Variants in NRG3 observed in about 807,000 individuals in gnomAD.
NRG3 encodes the protein pro-neuregulin-3, membrane-bound isoform.
In NRG3, 31 loss-of-function variants were observed where a neutral mutation model predicts 66.9. That is an observed-to-expected ratio of 0.46 (90% CI 0.35 to 0.63). The LOEUF (loss-of-function observed/expected upper bound fraction) is 0.63. NRG3 is among the 20% of genes least tolerant of loss of function. The pLI, the probability that NRG3 is intolerant of heterozygous loss-of-function variation, is 0.00. For synonymous variants in NRG3, 393 were observed against 359.4 expected (o/e 1.09, Z -1.06); for missense variants, 910 against 878.9 (o/e 1.04, Z -0.45).
chr10:82,864,832 AGATTTT>A (rs1840549243), intron 3 of NRG3, among the ~76,000 whole-genome samples: 1 of 152,198 alleles, frequency 6.6e-6, no homozygotes, highest in Admixed American at 6.5e-5. Flanking sequence ...GAAGTGTCTC[AGATTTT>A]GTAACCTATG....
chr10:82,840,076 T>C (rs1352715561), intron 3 of NRG3, among the ~76,000 whole-genome samples: 1 of 152,160 alleles, frequency 6.6e-6, no homozygotes, highest in African/African-American at 2.4e-5. Flanking sequence ...AATCCCACAA[T>C]TTTCAACCTA....
At chr10:82,332,538 C>T (rs2082186711) in intron 1 of NRG3, among the ~76,000 whole-genome samples, 1 of 152,152 alleles carries the variant, frequency 6.6e-6, no homozygotes, top group Non-Finnish European at 1.5e-5. Flanking sequence ...GCTGACCCAA[C>T]CTGTGCTTGC....
intron 1 of NRG3, among the ~76,000 whole-genome samples, chr10:82,171,666 A>G (rs1179703428): frequency 1.3e-5 from 2 of 152,218 alleles, no homozygotes; most frequent in Middle Eastern, 3.4e-3. Flanking sequence ...TCAAGAATTC[A>G]TGGTTCCAGG....
At chr10:82,681,614 G>C (rs1299100537) in intron 2 of NRG3, among the ~76,000 whole-genome samples, 1 of 152,136 alleles carries the variant, frequency 6.6e-6, no homozygotes, top group Non-Finnish European at 1.5e-5. Flanking sequence ...TCAATACATT[G>C]ACAAATGTCA....
At chr10:82,880,888 A>G (rs1564597830) in intron 4 of NRG3, among the ~76,000 whole-genome samples, 1 of 152,206 alleles carries the variant, frequency 6.6e-6, no homozygotes, top group South Asian at 2.1e-4. Context: ...CTGTAGGGCC[A>G]TGAGCACAGT....
rs994104085 is a variant in NRG3, at chr10:82,339,336, C to T, written c.824-19403C>T. 8.5e-5 allele frequency among the ~76,000 whole-genome samples: 13 copies of T among 152,120 alleles called. No homozygotes were observed. In the South Asian group the frequency reaches 2.3e-3, roughly 27 times the overall value. On this transcript the variant is annotated intron_variant, in intron 1 of 8. Coordinates refer to ENST00000372141, the MANE Select transcript of NRG3 (RefSeq NM_001010848.4). ...TTAAGAAGAAAAGAGGTTTAATTGACTCATAGTTCCACATAGCTGGGGAGT... is the reference window on the plus strand; with the variant it reads ...TTAAGAAGAAAAGAGGTTTAATTGATTCATAGTTCCACATAGCTGGGGAGT...
chr10:82,712,865 A>G (rs1278856793), intron 2 of NRG3, among the ~76,000 whole-genome samples: 1 of 152,046 alleles, frequency 6.6e-6, no homozygotes, highest in Admixed American at 6.6e-5. Flanking sequence ...TAAAAGAGTA[A>G]TCCCAGCATT....
intron 2 of NRG3, among the ~76,000 whole-genome samples, chr10:82,737,031 T>TC (rs1565259108): frequency 1.3e-5 from 2 of 151,870 alleles, no homozygotes; most frequent in African/African-American, 2.4e-5. Context: ...AGAATTTATT[T>TC]TTTTATGACA....
At chr10:82,151,406 T>G (rs2070738528) in intron 1 of NRG3, among the ~76,000 whole-genome samples, 1 of 152,176 alleles carries the variant, frequency 6.6e-6, no homozygotes, top group Non-Finnish European at 1.5e-5. Context: ...TGTACAGAAA[T>G]TTTCCTAGCA....
At position 82,683,059 on chromosome 10, in the gene NRG3, C is replaced by T. The variant is rs540581134; in HGVS notation, c.954-55518C>T. On this transcript the variant is annotated intron_variant, in intron 2 of 8. Transcript: ENST00000372141. ...CTGCAATCTCTGCCTTCCGGGTTCA[C>T]GCCATTCTCCTGCCTTAGCCTCCTG... Among the ~76,000 whole-genome samples, 53 of 150,712 alleles carry T rather than the reference C, an allele frequency of 3.5e-4. 1 individual carries two copies. Among genetic ancestry groups the T allele is most frequent in the African/African-American group, 1.0e-3 (43 of 41,026 alleles).
chr10:81,919,651 C>A (rs190511340), intron 1 of NRG3, among the ~76,000 whole-genome samples: 20 of 152,180 alleles, frequency 1.3e-4, no homozygotes, highest in Non-Finnish European at 7.4e-5. Context: ...ATGGACATGG[C>A]AAATGACAGG....
At chr10:82,048,189 A>G (rs2133095502) in intron 1 of NRG3, among the ~76,000 whole-genome samples, 1 of 152,218 alleles carries the variant, frequency 6.6e-6, no homozygotes, top group East Asian at 1.9e-4. Flanking sequence ...AGACAGATCA[A>G]CGAGACAGAA....
At chr10:82,958,814 A>G in intron 5 of NRG3, 135 bp from the exon 6 acceptor site, 1 of 999,088 alleles carries the variant, frequency 1.0e-6, no homozygotes, top group Non-Finnish European at 1.4e-6. Flanking sequence ...AAATGAGAGA[A>G]GGGTTCTCTT....
At chr10:82,625,152 C>T (rs201134650) in intron 2 of NRG3, among the ~76,000 whole-genome samples, 3 of 151,634 alleles carry the variant, frequency 2.0e-5, no homozygotes, top group Non-Finnish European at 4.4e-5. Context: ...TTTAAAATGC[C>T]AAAATAGCCA....
intron 2 of NRG3, among the ~76,000 whole-genome samples, chr10:82,383,566 T>C (rs2085772052): frequency 6.6e-6 from 1 of 152,052 alleles, no homozygotes; most frequent in Admixed American, 6.6e-5. Flanking sequence ...GTGTGTATAA[T>C]TGCTTAGTTG....
chr10:82,034,661 A>C (rs1312674034), intron 1 of NRG3, among the ~76,000 whole-genome samples: 1 of 151,782 alleles, frequency 6.6e-6, no homozygotes, highest in African/African-American at 2.4e-5. Context: ...CCTGGAGTAC[A>C]CCTTGTTTTA....
chr10:82,352,096 G>C (rs2083470090), intron 1 of NRG3, among the ~76,000 whole-genome samples: 1 of 152,160 alleles, frequency 6.6e-6, no homozygotes, highest in Non-Finnish European at 1.5e-5. Flanking sequence ...CCATAATTTA[G>C]GGTTAGTGTG....
At chr10:82,916,183 G>A (rs1564627793) in intron 4 of NRG3, among the ~76,000 whole-genome samples, 1 of 152,212 alleles carries the variant, frequency 6.6e-6, no homozygotes, top group Non-Finnish European at 1.5e-5. Context: ...TGAGCACACT[G>A]GTTTACACCT....
chr10:82,084,232 A>AT (rs1215461821), intron 1 of NRG3, among the ~76,000 whole-genome samples: 7 of 115,670 alleles, frequency 6.1e-5, no homozygotes, highest in Middle Eastern at 4.1e-3. Flanking sequence ...AGTCTCAAAA[A>AT]CAAAAAAGAC....
Sources: gnomAD v4.1 joint callset for allele counts (sites outside exome capture counted in the v4.1 genomes callset) on GRCh38, gnomAD v4.1.1 for gene constraint, MANE v1.5 for transcripts, NCBI Gene and HGNC (gene_info 2026-07-23, HGNC 2026-07-21) for gene names.